Variants in ANAPC7 observed in about 807,000 individuals in gnomAD.
ANAPC7 encodes the protein anaphase-promoting complex subunit 7.
ANAPC7 carries 25 observed loss-of-function variants against 63.3 expected under a neutral mutation model. That is an observed-to-expected ratio of 0.39 (90% CI 0.29 to 0.55). The LOEUF (loss-of-function observed/expected upper bound fraction) is 0.55, where lower values mean the gene tolerates loss of function less well. Among genes scored for constraint, ANAPC7 ranks in the 20% least tolerant of loss-of-function variants. ANAPC7 has a pLI of 0.57. For missense variants in ANAPC7, 516 were observed against 691.7 expected (o/e 0.75, Z 2.85); for synonymous variants, 241 against 251.7 (o/e 0.96, Z 0.40).
rs1288197426 is a variant in ANAPC7, at chr12:110,396,372, T to C, written c.182A>G (p.Asn61Ser). ...AGCCATGGTATACTTACTCACAGCA[T>C]TCCGATATTCCTTATCATGAAAGAG... Reference protein sequence around the residue: ...DSLFHDKEYRNAVSKYTMALQ... With the variant: ...DSLFHDKEYRSAVSKYTMALQ... Residue 61 changes from asparagine to serine, a missense_variant, in exon 2 of 11, where the codon AAT becomes AGT. Physicochemically the swap from Asn to Ser is conservative, Grantham distance 46. Coordinates refer to ENST00000455511, the MANE Select transcript of ANAPC7 (RefSeq NM_016238.3). The C allele has an allele frequency of 1.2e-6, 2 of 1,614,056 alleles. No individual in the cohort carries two copies.
intron 1 of ANAPC7, among the ~76,000 whole-genome samples, chr12:110,401,663 G>T (rs1490927285): frequency 6.6e-6 from 1 of 152,124 alleles, no homozygotes; most frequent in Non-Finnish European, 1.5e-5. Flanking sequence ...GGCCGAGGCG[G>T]CGGGATCACC....
At chr12:110,377,669 C>T (rs1566259125) in intron 8 of ANAPC7, 52 bp from the exon 9 acceptor site, 1 of 1,609,278 alleles carries the variant, frequency 6.2e-7, no homozygotes, top group Non-Finnish European at 8.5e-7. Context: ...CATTCCAACC[C>T]ATGCTTCCAC....
intron 9 of ANAPC7, among the ~76,000 whole-genome samples, chr12:110,376,461 C>T (rs575525907): frequency 3.4e-5 from 5 of 147,460 alleles, no homozygotes; most frequent in Non-Finnish European, 5.9e-5. Flanking sequence ...CCCAGCTACT[C>T]GGGAGGCTGA....
chr12:110,388,747 C>T, intron 3 of ANAPC7, 124 bp from the exon 4 acceptor site: 1 of 712,624 alleles, frequency 1.4e-6, no homozygotes, highest in Non-Finnish European at 2.3e-6. Context: ...TACCCACAAC[C>T]CTGTGCAAAT....
At chr12:110,394,997 A>T (rs1883447064) in intron 3 of ANAPC7, 104 bp downstream of exon 3, 1 of 1,349,346 alleles carries the variant, frequency 7.4e-7, no homozygotes, top group Non-Finnish European at 1.0e-6. Context: ...AATTAGAATC[A>T]TGGGTAAAAT....
intron 9 of ANAPC7, among the ~76,000 whole-genome samples, chr12:110,376,568 CAAAAA>C (rs57434475): frequency 3.2e-5 from 2 of 62,400 alleles, no homozygotes; most frequent in East Asian, 4.3e-4. Flanking sequence ...GACTCCATCT[CAAAAA>C]AAAAAAAAAA....
intron 1 of ANAPC7, among the ~76,000 whole-genome samples, chr12:110,402,673 G>T (rs2062249043): frequency 6.6e-6 from 1 of 151,878 alleles, no homozygotes; most frequent in Non-Finnish European, 1.5e-5. Context: ...TGCACTCAAG[G>T]ATGGAATCAG....
chr12:110,384,944 T>A (rs992534962), intron 6 of ANAPC7, among the ~76,000 whole-genome samples: 10 of 152,180 alleles, frequency 6.6e-5, no homozygotes, highest in African/African-American at 2.4e-4. Flanking sequence ...AGCTTGTAGT[T>A]CTATCCAGAA....
intron 1 of ANAPC7, among the ~76,000 whole-genome samples, chr12:110,398,410 C>T (rs2062174716): frequency 6.9e-6 from 1 of 145,312 alleles, no homozygotes; most frequent in African/African-American, 2.5e-5. Context: ...GGGAATGAAA[C>T]CCTGTCTCAG....
intron 3 of ANAPC7, among the ~76,000 whole-genome samples, chr12:110,392,421 T>C (rs1311254827): frequency 1.3e-5 from 2 of 152,172 alleles, no homozygotes; most frequent in African/African-American, 4.8e-5. Flanking sequence ...TCAGCAAGAC[T>C]TGGATGAAGC....
At chr12:110,375,402 A>C (rs753479201) in intron 10 of ANAPC7, 1 of 984,598 alleles carries the variant, frequency 1.0e-6, no homozygotes, top group Non-Finnish European at 1.2e-6. Context: ...ATGTGATCAG[A>C]CTCTATTAAA....
intron 1 of ANAPC7, among the ~76,000 whole-genome samples, chr12:110,400,478 C>G (rs1470264805): frequency 3.3e-5 from 5 of 152,266 alleles, no homozygotes; most frequent in African/African-American, 9.6e-5. Flanking sequence ...TGTCCTGAAG[C>G]TAGGAAACTG....
intron 1 of ANAPC7, among the ~76,000 whole-genome samples, chr12:110,401,373 G>C (rs1352595796): frequency 6.6e-6 from 1 of 152,162 alleles, no homozygotes; most frequent in African/African-American, 2.4e-5. Context: ...CACTCAATAA[G>C]CATGTGAGTG....
chr12:110,388,378 C>T (rs1882799395), intron 4 of ANAPC7, 134 bp downstream of exon 4: 2 of 668,066 alleles, frequency 3.0e-6, no homozygotes, highest in Non-Finnish European at 5.0e-6. Flanking sequence ...TATGTGACAA[C>T]AGGAATCCTA....
At chr12:110,388,192 A>G (rs1882784148) in intron 4 of ANAPC7, among the ~76,000 whole-genome samples, 1 of 151,980 alleles carries the variant, frequency 6.6e-6, no homozygotes, top group Non-Finnish European at 1.5e-5. Context: ...ACGCGCCACC[A>G]TGCCTGGCTA....
rs1353449275 is a variant in ANAPC7, at chr12:110,382,923, C to T, written c.855G>A (p.Gly285=). 6.2e-7 allele frequency: 1 copy of T among 1,613,930 alleles called. No individual in the cohort carries two copies. The highest frequency in any genetic ancestry group is 8.5e-7 in the Non-Finnish European group (1 of 1,179,868). The change falls in exon 7 of 11, where the codon GGG becomes GGA. Residue 285 remains glycine, a synonymous_variant. Transcript: ENST00000455511. ...DVYGYLLARE[G]RLEDVENLGC... ...CAAGGTTCTCAACATCCTCTAGCCGCCCTTCTCGTGCCAGTAGGTAGCCAT... is the reference window on the plus strand; with the variant it reads ...CAAGGTTCTCAACATCCTCTAGCCGTCCTTCTCGTGCCAGTAGGTAGCCAT...
At chr12:110,383,228 G>A in intron 6 of ANAPC7, 1 of 312,474 alleles carries the variant, frequency 3.2e-6, no homozygotes, top group East Asian at 5.9e-5. Context: ...CACGAGGTCA[G>A]GAGATCGAGA....
At chr12:110,383,166 C>G in intron 6 of ANAPC7, 1 of 491,072 alleles carries the variant, frequency 2.0e-6, no homozygotes, top group Non-Finnish European at 3.6e-6. Context: ...AGGTTGGGCA[C>G]AGTGGCTCAC....
At chr12:110,402,951 A>G (rs1592937364) in intron 1 of ANAPC7, among the ~76,000 whole-genome samples, 2 of 151,340 alleles carry the variant, frequency 1.3e-5, no homozygotes, top group South Asian at 4.2e-4. Context: ...TATGTTGCCC[A>G]GGTTGGTCTT....
Sources: gnomAD v4.1 joint callset for allele counts (sites outside exome capture counted in the v4.1 genomes callset) on GRCh38, gnomAD v4.1.1 for gene constraint, MANE v1.5 for transcripts, NCBI Gene and HGNC (gene_info 2026-07-23, HGNC 2026-07-21) for gene names.